The following CAMKK1 variants were observed in gnomAD, a reference collection of about 807,000 sequenced individuals.
CAMKK1 encodes calcium/calmodulin-dependent protein kinase kinase 1.
Under a neutral mutation model 63.5 loss-of-function variants are expected in CAMKK1, and 20 were observed. That is an observed-to-expected ratio of 0.32 (90% CI 0.22 to 0.46). The LOEUF is 0.46. Ranked by LOEUF, CAMKK1 falls within the 20% of genes least tolerant of loss-of-function variation. The pLI is 1.00. For missense variants in CAMKK1, 588 were observed against 658.1 expected, an observed-to-expected ratio of 0.89 and a Z score of 1.17; for synonymous variants, 253 against 269.0, an observed-to-expected ratio of 0.94 and a Z score of 0.58.
At chr17:3,886,068 G>A (rs1345689731) in intron 1 of CAMKK1, among the ~76,000 whole-genome samples, 1 of 152,252 alleles carries the variant, frequency 6.6e-6, no homozygotes, top group Non-Finnish European at 1.5e-5. Context: ...AAGGGGCAGA[G>A]CCCAGGGTCA....
chr17:3,892,873 C>G lies in CAMKK1; in HGVS notation c.-44+66G>C, dbSNP rs2055954595. ...CCCCCCCGCCTCTCCCTTGCAGGCTCGGGGCAGGTGTTAAGGCGTTCGTCC... is the reference window on the plus strand; with the variant it reads ...CCCCCCCGCCTCTCCCTTGCAGGCTGGGGGCAGGTGTTAAGGCGTTCGTCC... On this transcript the variant is annotated intron_variant, in intron 1 of 15. Coordinates refer to ENST00000348335, the MANE Select transcript of CAMKK1 (RefSeq NM_032294.3). The surrounding 1 kb of genome is among the most constrained non-coding windows in gnomAD (Gnocchi z 7.5). 1 of 151,740 alleles carries G rather than the reference C, an allele frequency of 6.6e-6. No homozygotes were observed. The highest frequency in any genetic ancestry group is 6.6e-5 in the Admixed American group (1 of 15,254). 9.4% of individuals were successfully genotyped at this position (151,740 alleles called of 1,614,324 possible).
At chr17:3,867,904 A>G (rs1388586522) in intron 14 of CAMKK1, among the ~76,000 whole-genome samples, 2 of 151,706 alleles carry the variant, frequency 1.3e-5, no homozygotes, top group African/African-American at 4.9e-5. Flanking sequence ...GCAGAGGAAG[A>G]GGAGCAAAAC....
chr17:3,866,634 A>G (rs1015480890), intron 14 of CAMKK1, among the ~76,000 whole-genome samples: 1 of 151,832 alleles, frequency 6.6e-6, no homozygotes, highest in East Asian at 1.9e-4. Context: ...TCCCGTCAAC[A>G]CTGGTCACCA....
intron 9 of CAMKK1, 61 bp from the exon 10 acceptor site, chr17:3,876,483 A>G: frequency 6.8e-7 from 1 of 1,462,608 alleles, no homozygotes; most frequent in Non-Finnish European, 9.5e-7. Flanking sequence ...AGGACCCCAC[A>G]CCCGTCCTTG....
At position 3,875,913 on chromosome 17, in the gene CAMKK1, C is replaced by T. The variant is rs150208088; in HGVS notation, c.996+310G>A. ...CATGTCCCAAGATCTGCGGGGACCC[C>T]CAACTTCCCCCGAAACCATCCAGAG... is the stretch of plus-strand genomic sequence containing the variant. On this transcript the variant is annotated intron_variant, in intron 10 of 15. Coordinates refer to ENST00000348335, the MANE Select transcript of CAMKK1 (RefSeq NM_032294.3). Among the ~76,000 whole-genome samples, 356 of 152,292 alleles carry T rather than the reference C, an allele frequency of 2.3e-3. 5 individuals are homozygous for T. The highest frequency in any genetic ancestry group is 8.2e-3 in the African/African-American group (341 of 41,558).
intron 14 of CAMKK1, among the ~76,000 whole-genome samples, chr17:3,867,964 C>T (rs1283276643): frequency 1.4e-5 from 2 of 144,232 alleles, no homozygotes; most frequent in African/African-American, 5.2e-5. Context: ...CTAATGGATA[C>T]GCAGGATCTG....
In CAMKK1 at chr17:3,885,420, G is replaced by T. The variant is rs543479862; in HGVS notation, c.268C>A (p.Pro90Thr). 1.2e-6 allele frequency: 2 copies of T among 1,612,374 alleles called. No homozygotes were observed. The highest frequency in any genetic ancestry group is 2.2e-5 in the East Asian group (1 of 44,866). Residue 90 changes from proline to threonine, a missense_variant, in exon 2 of 16, where the codon CCT (proline) becomes ACT (threonine). Physicochemically the swap from Pro to Thr is conservative, Grantham distance 38 (BLOSUM62 -1). Coordinates refer to ENST00000348335, the MANE Select transcript of CAMKK1 (RefSeq NM_032294.3). ...AGSYLEAQAG[P>T]YATGPASHIS... is the part of the protein sequence containing the mutation. ...TGGCTGGCAGGCCCCGTGGCATAAG[G>T]CCCAGCCTGCGCCTCCAGATAGCTT...
chr17:3,881,605 C>G, intron 8 of CAMKK1, 22 bp downstream of exon 8: 1 of 1,566,398 alleles, frequency 6.4e-7, no homozygotes, highest in Non-Finnish European at 8.7e-7. Context: ...ATTGACCTGC[C>G]TGATCAGGAC....
At chr17:3,881,507 G>T (rs938839786) in intron 8 of CAMKK1, 120 bp downstream of exon 8, 2 of 938,596 alleles carry the variant, frequency 2.1e-6, no homozygotes, top group Non-Finnish European at 3.3e-6. Context: ...ACCCCTAAGG[G>T]CAGGGCCTCC....
At chr17:3,863,437 G>A (rs2054393659) in intron 15 of CAMKK1, among the ~76,000 whole-genome samples, 1 of 152,248 alleles carries the variant, frequency 6.6e-6, no homozygotes, top group East Asian at 1.9e-4. Context: ...GGCGGAGACT[G>A]CAGTGAGTTG....
chr17:3,876,178 C>A, intron 10 of CAMKK1, 45 bp downstream of exon 10: 1 of 1,568,674 alleles, frequency 6.4e-7, no homozygotes, highest in Non-Finnish European at 8.7e-7. Flanking sequence ...CAAGCTATTA[C>A]GCCCCCCACT....
rs536156089 is a variant in CAMKK1, at chr17:3,889,809, T to C, written c.-44+3130A>G. Among the ~76,000 whole-genome samples the C allele has an allele frequency of 3.7e-4, 57 of 152,150 alleles. No homozygotes were observed. The highest frequency in any genetic ancestry group is 1.3e-3 in the African/African-American group (55 of 41,506). ...TGGGCCCCCGGCTCCAGACGCCCAC[T>C]TGGCCTGGCTTCTTCCACAGGACAT... On this transcript the variant is annotated intron_variant, in intron 1 of 15. Transcript: ENST00000348335. This position sits in a 1 kb window ranked among gnomAD's most constrained non-coding sequence, Gnocchi z 5.2.
In CAMKK1 at chr17:3,869,631, G is replaced by A. The variant is rs1359032561; in HGVS notation, c.1213-16C>T. On this transcript the variant is annotated splice_polypyrimidine_tract_variant and intron_variant, in intron 13 of 15. Coordinates refer to ENST00000348335, the MANE Select transcript of CAMKK1 (RefSeq NM_032294.3). ...AAGGGTGCAACTGTCGGGGCCGGGA[G>A]GGCAGGGAGAGGGGGAGAGGTCAGG... The A allele has an allele frequency of 1.9e-6, 3 of 1,614,136 alleles. No homozygotes were observed. The highest frequency in any genetic ancestry group is 1.7e-5 in the Admixed American group (1 of 60,030).
In CAMKK1 at chr17:3,883,843, G is replaced by A; in HGVS notation, c.462+41C>T. 1 of 1,606,228 alleles carries A rather than the reference G, an allele frequency of 6.2e-7. No individual in the cohort carries two copies. Among genetic ancestry groups the A allele is most frequent in the African/African-American group, 1.3e-5 (1 of 74,846 alleles). On this transcript the variant is annotated intron_variant, in intron 4 of 15. Coordinates refer to ENST00000348335, the MANE Select transcript of CAMKK1 (RefSeq NM_032294.3). The surrounding 1 kb of genome is among the most constrained non-coding windows in gnomAD (Gnocchi z 4.7). ...CTGCCCCACCCCTCAGGCTTCCAGG[G>A]CCTGGCTTGGGCAACACCTCCCTCG... is the stretch of plus-strand genomic sequence containing the variant.
intron 10 of CAMKK1, 72 bp from the exon 11 acceptor site, chr17:3,873,534 G>A: frequency 6.9e-7 from 1 of 1,451,054 alleles, no homozygotes; most frequent in Admixed American, 1.7e-5. Flanking sequence ...CCAGCGGGCT[G>A]CAGGAGAGGC....
intron 12 of CAMKK1, among the ~76,000 whole-genome samples, chr17:3,871,033 A>T (rs2054824242): frequency 1.3e-5 from 2 of 152,132 alleles, no homozygotes; most frequent in African/African-American, 4.8e-5. Flanking sequence ...CTTCAGACAA[A>T]CTTCAGGCAA....
intron 1 of CAMKK1, among the ~76,000 whole-genome samples, chr17:3,886,796 G>A (rs572811179): frequency 2.1e-4 from 32 of 152,096 alleles, no homozygotes; most frequent in African/African-American, 6.3e-4. Context: ...TCCTGACCCC[G>A]GACTGAACCC....
chr17:3,891,705 G>C (rs972454506), intron 1 of CAMKK1, among the ~76,000 whole-genome samples: 4 of 152,148 alleles, frequency 2.6e-5, no homozygotes, highest in African/African-American at 9.7e-5. Context: ...AGAGGAGGTG[G>C]CACCTGAGCT....
At chr17:3,875,581 C>T (rs903017430) in intron 10 of CAMKK1, among the ~76,000 whole-genome samples, 6 of 152,170 alleles carry the variant, frequency 3.9e-5, no homozygotes, top group African/African-American at 1.4e-4. Flanking sequence ...CTGTGCCCGG[C>T]CTCCTGACCT....
Sources: allele counts gnomAD v4.1 joint callset (sites outside exome capture counted in the v4.1 genomes callset), GRCh38; gene constraint gnomAD v4.1.1; non-coding constraint Gnocchi (gnomAD v3.1); transcripts MANE v1.5; gene names NCBI Gene and HGNC (gene_info 2026-07-23, HGNC 2026-07-21).